The following EXOC4 variants were observed in gnomAD, a reference collection of about 807,000 sequenced individuals.
The protein encoded by EXOC4 is SEC8-like 1.
Under a neutral mutation model 107.2 loss-of-function variants are expected in EXOC4, and 71 were observed. That is an observed-to-expected ratio of 0.66 (90% CI 0.55 to 0.81). The LOEUF (loss-of-function observed/expected upper bound fraction) is 0.81, where lower values mean the gene tolerates loss of function less well. EXOC4 is among the 30% of genes least tolerant of loss of function. The pLI, the probability that EXOC4 is intolerant of heterozygous loss-of-function variation, is 0.00. For synonymous variants in EXOC4, 456 were observed against 441.2 expected (o/e 1.03, Z -0.42); for missense variants, 1,108 against 1,189.6 (o/e 0.93, Z 1.01).
intron 12 of EXOC4, among the ~76,000 whole-genome samples, chr7:133,906,783 G>A (rs1456607873): frequency 6.6e-6 from 1 of 152,204 alleles, no homozygotes; most frequent in African/African-American, 2.4e-5. Context: ...CCACCAAGGG[G>A]CCTATTGCCG....
At chr7:133,268,115 A>G (rs922502384) in intron 1 of EXOC4, among the ~76,000 whole-genome samples, 1 of 152,226 alleles carries the variant, frequency 6.6e-6, no homozygotes, top group Non-Finnish European at 1.5e-5. Flanking sequence ...CAGTCCTAAC[A>G]ATATCCTGGC....
chr7:133,755,231 TATA>T (rs1220535114), intron 10 of EXOC4, among the ~76,000 whole-genome samples: 1 of 110,410 alleles, frequency 9.1e-6, no homozygotes, highest in African/African-American at 3.8e-5. Context: ...TGTATATATA[TATA>T]ATATATATAA....
rs1022041011 is a variant in EXOC4 at position 133,698,465 on chromosome 7, C to T, written c.1514+68324C>T. 2.0e-5 allele frequency among the ~76,000 whole-genome samples: 3 copies of T among 151,798 alleles called. No homozygotes were observed. The South Asian group carries it at 6.2e-4, about 32-fold the overall frequency. On this transcript the variant is annotated intron_variant, in intron 10 of 17. Coordinates refer to ENST00000253861, the MANE Select transcript of EXOC4 (RefSeq NM_021807.4). ...GGTGTAGTGGCGCCCGCCTTTAGTCCCAGCTACTTGGGAGGCTGAGGTGGG... is the reference window on the plus strand; with the variant it reads ...GGTGTAGTGGCGCCCGCCTTTAGTCTCAGCTACTTGGGAGGCTGAGGTGGG...
chr7:133,922,103 C>T (rs1359747572), intron 13 of EXOC4, among the ~76,000 whole-genome samples: 1 of 151,732 alleles, frequency 6.6e-6, no homozygotes, highest in Admixed American at 6.6e-5. Context: ...TCTTACATTA[C>T]CTGTAGTTTG....
At chr7:134,076,607 T>C in the EXOC4 span, among the ~76,000 whole-genome samples, 1 of 151,882 alleles carries the variant, frequency 6.6e-6, no homozygotes, top group African/African-American at 2.4e-5. Context: ...CAATAGCATA[T>C]ATATATATCT....
At chr7:133,465,413 G>T (rs865887808) in intron 7 of EXOC4, among the ~76,000 whole-genome samples, 2 of 152,174 alleles carry the variant, frequency 1.3e-5, no homozygotes, top group African/African-American at 4.8e-5. Flanking sequence ...AAAATTGACT[G>T]AAAGGAGTAG....
At chr7:133,444,644 C>A (rs1404970350) in intron 7 of EXOC4, among the ~76,000 whole-genome samples, 7 of 152,096 alleles carry the variant, frequency 4.6e-5, no homozygotes, top group African/African-American at 1.7e-4. Context: ...GGTCAGCAAG[C>A]CTTCTTTGAA....
intron 11 of EXOC4, among the ~76,000 whole-genome samples, chr7:133,880,293 G>T (rs1366261978): frequency 2.6e-5 from 4 of 152,160 alleles, no homozygotes; most frequent in African/African-American, 9.7e-5. Context: ...AACATTGCTA[G>T]GCCAGTATCT....
Position 133,736,648 on chromosome 7 carries a change from A to G in EXOC4, c.1515-80677A>G, listed in dbSNP as rs78073153. Among the ~76,000 whole-genome samples, 995 of 152,296 alleles carry G rather than the reference A, an allele frequency of 6.5e-3. 40 individuals carry two copies. In the East Asian group the frequency reaches 0.099, roughly 15 times the overall value. ...ACGGTTGAAATAGTGCACCATATTT[A>G]TCCTCCCACCTTTCTGACTGCTCAT... is the stretch of plus-strand genomic sequence containing the variant. On this transcript the variant is annotated intron_variant, in intron 10 of 17. Transcript: ENST00000253861.
At chr7:133,430,094 C>G (rs1797821119) in intron 7 of EXOC4, among the ~76,000 whole-genome samples, 1 of 152,180 alleles carries the variant, frequency 6.6e-6, no homozygotes, top group Non-Finnish European at 1.5e-5. Flanking sequence ...GTCACATGGA[C>G]TTGAAGGATG....
At chr7:133,443,345 G>A (rs1798146519) in intron 7 of EXOC4, among the ~76,000 whole-genome samples, 1 of 152,114 alleles carries the variant, frequency 6.6e-6, no homozygotes, top group African/African-American at 2.4e-5. Flanking sequence ...CCTGCCTCTT[G>A]GTAAAGTCTC....
chr7:133,446,846 T>C lies in EXOC4; in HGVS notation c.1183-28482T>C, dbSNP rs1428334241. On this transcript the variant is annotated intron_variant, in intron 7 of 17. Transcript: ENST00000253861. ...TTGATTTGCAACTATTTTGAGGATG[T>C]AGGGTAACACAGTGTAAGTGGTAAA... Among the ~76,000 whole-genome samples, 5 of 152,248 alleles carry C rather than the reference T, an allele frequency of 3.3e-5. No individual in the cohort carries two copies. The East Asian group carries it at 9.6e-4, about 29-fold the overall frequency.
At chr7:134,043,323 A>G (rs1212881766) in intron 17 of EXOC4, among the ~76,000 whole-genome samples, 3 of 152,142 alleles carry the variant, frequency 2.0e-5, no homozygotes, top group Non-Finnish European at 2.9e-5. Flanking sequence ...CCCTGGCTGC[A>G]TTTGGTAGGG....
At chr7:133,948,800 CAA>C (rs753003320) in intron 14 of EXOC4, among the ~76,000 whole-genome samples, 2 of 152,164 alleles carry the variant, frequency 1.3e-5, no homozygotes, top group Non-Finnish European at 2.9e-5. Flanking sequence ...TTCCCAAGGT[CAA>C]AATCAGTCAA....
chr7:133,770,084 G>A (rs369220781), intron 10 of EXOC4, among the ~76,000 whole-genome samples: 3 of 4,352 alleles, frequency 6.9e-4, no homozygotes, highest in African/African-American at 7.8e-4. Flanking sequence ...ATGTCACTTT[G>A]ATCCCCCATA....
chr7:134,070,511 G>T (rs768466197), downstream of EXOC4, among the ~76,000 whole-genome samples: 3 of 152,180 alleles, frequency 2.0e-5, no homozygotes, highest in Non-Finnish European at 4.4e-5. Flanking sequence ...AACTGAGCTG[G>T]AAATTTCTTT....
intron 7 of EXOC4, among the ~76,000 whole-genome samples, chr7:133,413,664 C>T (rs974209342): frequency 3.9e-5 from 6 of 152,064 alleles, no homozygotes; most frequent in East Asian, 1.9e-4. Flanking sequence ...TTGCTGGAAG[C>T]GCAGAAGAAT....
intron 10 of EXOC4, among the ~76,000 whole-genome samples, chr7:133,698,733 G>A (rs1463046412): frequency 6.6e-6 from 1 of 151,824 alleles, no homozygotes; most frequent in Non-Finnish European, 1.5e-5. Context: ...TTTTCTTATG[G>A]CAAGTATGTT....
intron 2 of EXOC4, among the ~76,000 whole-genome samples, chr7:133,277,280 G>A (rs1297624841): frequency 1.3e-5 from 2 of 152,218 alleles, no homozygotes; most frequent in Non-Finnish European, 2.9e-5. Flanking sequence ...AATATACTAA[G>A]CTCAAGAGGG....
Sources: gnomAD v4.1 joint callset for allele counts (sites outside exome capture counted in the v4.1 genomes callset) on GRCh38, gnomAD v4.1.1 for gene constraint, MANE v1.5 for transcripts, NCBI Gene and HGNC (gene_info 2026-07-23, HGNC 2026-07-21) for gene names.